Variants in LRRC4C observed in about 807,000 individuals in gnomAD.
LRRC4C encodes the protein leucine rich repeat containing 4C.
Under a neutral mutation model 33.6 loss-of-function variants are expected in LRRC4C, and 5 were observed. The ratio of observed to expected loss-of-function variants is 0.15; its 90% CI spans 0.08 to 0.31. The LOEUF is 0.31. Among genes scored for constraint, LRRC4C ranks in the 10% least tolerant of loss-of-function variants. The probability of loss-of-function intolerance (pLI) is 1.00; values close to 1 mark genes in which losing one functional copy is unlikely to be tolerated. For missense variants in LRRC4C, 560 were observed against 796.7 expected (o/e 0.70, Z 3.58); for synonymous variants, 329 against 302.0 (o/e 1.09, Z -0.93).
At chr11:40,519,093 A>T (rs1278935474) in intron 3 of LRRC4C, among the ~76,000 whole-genome samples, 1 of 151,964 alleles carries the variant, frequency 6.6e-6, no homozygotes, top group Non-Finnish European at 1.5e-5. Context: ...CCTGTTGGGG[A>T]GTGGGGAGCT....
intron 1 of LRRC4C, among the ~76,000 whole-genome samples, chr11:41,194,005 T>C (rs1183399785): frequency 3.3e-5 from 5 of 152,040 alleles, no homozygotes; most frequent in Non-Finnish European, 5.9e-5. Context: ...CTTCTGCCAG[T>C]GCCACCCTTG....
chr11:41,005,406 C>A (rs962619275), intron 1 of LRRC4C, among the ~76,000 whole-genome samples: 1 of 152,082 alleles, frequency 6.6e-6, no homozygotes, highest in Non-Finnish European at 1.5e-5. Context: ...GAGTTTGAGA[C>A]CAGCCTGAGC....
intron 1 of LRRC4C, among the ~76,000 whole-genome samples, chr11:41,397,174 T>C (rs537258313): frequency 6.6e-6 from 1 of 152,096 alleles, no homozygotes; most frequent in South Asian, 2.1e-4. Flanking sequence ...GTTGACCCTC[T>C]AACAACACAG....
intron 2 of LRRC4C, among the ~76,000 whole-genome samples, chr11:40,730,386 A>G (rs1053146430): frequency 2.4e-4 from 36 of 152,222 alleles, no homozygotes; most frequent in Non-Finnish European, 3.7e-4. Context: ...AACGTTATGC[A>G]TGCAAATGGA....
rs953935340 is a variant in LRRC4C at position 41,131,923 on chromosome 11, T to A, written c.-495-198200A>T. 3.9e-5 allele frequency among the ~76,000 whole-genome samples: 6 copies of A among 152,270 alleles called. No individual in the cohort carries two copies. In the East Asian group the frequency reaches 1.2e-3, roughly 29 times the overall value. ...TATGTGGTCTAAAAAGGGGAAGAAC[T>A]CTCAGTTCTGGAAAACTCATGAATA... On this transcript the variant is annotated intron_variant, in intron 1 of 6. Transcript: ENST00000528697.
intron 2 of LRRC4C, among the ~76,000 whole-genome samples, chr11:40,922,764 A>G (rs1355903990): frequency 1.3e-5 from 2 of 152,248 alleles, no homozygotes; most frequent in East Asian, 3.8e-4. Flanking sequence ...GGGCAGTAAT[A>G]TATCAGTGAT....
chr11:41,144,421 G>GA (rs1384074066), intron 1 of LRRC4C, among the ~76,000 whole-genome samples: 1 of 152,122 alleles, frequency 6.6e-6, no homozygotes, highest in African/African-American at 2.4e-5. Context: ...GAAGCTGTAA[G>GA]AAAAAATATT....
intron 1 of LRRC4C, among the ~76,000 whole-genome samples, chr11:40,957,167 T>C (rs923184793): frequency 1.3e-5 from 2 of 151,798 alleles, no homozygotes; most frequent in African/African-American, 4.8e-5. Context: ...TAGCATGTTT[T>C]ATTTTTCTTA....
intron 3 of LRRC4C, among the ~76,000 whole-genome samples, chr11:40,350,476 G>A (rs913039902): frequency 2.0e-5 from 3 of 152,030 alleles, no homozygotes; most frequent in Non-Finnish European, 4.4e-5. Flanking sequence ...CCAGTACAAT[G>A]ATGTTTTGGT....
At chr11:41,035,209 A>C (rs1272355967) in intron 1 of LRRC4C, among the ~76,000 whole-genome samples, 1 of 150,730 alleles carries the variant, frequency 6.6e-6, no homozygotes. Context: ...AAATACATAA[A>C]TAAATAAATA....
At chr11:40,577,926 C>T (rs1271032290) in intron 3 of LRRC4C, among the ~76,000 whole-genome samples, 1 of 147,842 alleles carries the variant, frequency 6.8e-6, no homozygotes, top group Admixed American at 6.8e-5. Context: ...AGCTCCGCCT[C>T]CAAGTTCACG....
At chr11:40,351,048 C>A (rs1947360190) in intron 3 of LRRC4C, among the ~76,000 whole-genome samples, 1 of 151,904 alleles carries the variant, frequency 6.6e-6, no homozygotes, top group Non-Finnish European at 1.5e-5. Context: ...ACTTTTACTT[C>A]TTTCATTCTA....
intron 1 of LRRC4C, among the ~76,000 whole-genome samples, chr11:41,135,352 A>C (rs1321002864): frequency 6.6e-6 from 1 of 152,142 alleles, no homozygotes; most frequent in Non-Finnish European, 1.5e-5. Context: ...GGAGCTAGGG[A>C]AGGAGAGAGA....
chr11:40,492,691 G>A (rs1280658084), intron 3 of LRRC4C, among the ~76,000 whole-genome samples: 2 of 151,960 alleles, frequency 1.3e-5, no homozygotes, highest in African/African-American at 2.4e-5. Flanking sequence ...TAATATTTAG[G>A]TATGTACCTC....
chr11:40,984,395 GAAA>G (rs1852818210), intron 1 of LRRC4C, among the ~76,000 whole-genome samples: 1 of 85,370 alleles, frequency 1.2e-5, no homozygotes, highest in Non-Finnish European at 3.0e-5. Context: ...AAGAAAGAAA[GAAA>G]GAAAGAAAGA....
At chr11:40,601,862 A>G (rs1960029963) in intron 3 of LRRC4C, among the ~76,000 whole-genome samples, 1 of 152,232 alleles carries the variant, frequency 6.6e-6, no homozygotes, top group South Asian at 2.1e-4. Flanking sequence ...TATATAATGT[A>G]CAGCTAACAT....
At chr11:40,355,526 GT>G (rs1947616947) in intron 3 of LRRC4C, among the ~76,000 whole-genome samples, 1 of 152,136 alleles carries the variant, frequency 6.6e-6, no homozygotes, top group Admixed American at 6.6e-5. Flanking sequence ...TCCCTTCTGG[GT>G]AGCACTGATA....
rs145090209 is a variant in LRRC4C, at chr11:41,345,342, G to T, written c.-496+114089C>A. On this transcript the variant is annotated intron_variant, in intron 1 of 6. Transcript: ENST00000528697. ...GAGGTGAAGGTTAATTATCTTTGTC[G>T]ATATGTATTCTGTACTGTATTTTAA... Among the ~76,000 whole-genome samples, 312 of 152,204 alleles carry T rather than the reference G, an allele frequency of 2.0e-3. 1 individual carries two copies. Among genetic ancestry groups the T allele is most frequent in the African/African-American group, 7.1e-3 (293 of 41,528 alleles).
chr11:40,140,855 TAAAAAAAAA>T lies in LRRC4C; in HGVS notation c.-95-11_-95-3del, dbSNP rs5791360. 1 of 131,886 alleles carries T rather than the reference TAAAAAAAAA, an allele frequency of 7.6e-6. No individual in the cohort carries two copies. The highest frequency in any genetic ancestry group is 1.6e-5 in the Non-Finnish European group (1 of 62,028). The allele number at this position is 131,886 out of a possible 1,614,324, so 8.2% of individuals were successfully genotyped here. A position where few individuals can be genotyped will look rare whatever the true frequency, so the allele number is the denominator to read the frequency against. ...TAAGTAGGCAGTGCGTTTGCCAATC[TAAAAAAAAA>T]AAAAAAAGAAAAGAAAAGAAAAAAA... is the stretch of plus-strand genomic sequence containing the variant. On this transcript the variant is annotated splice_region_variant and splice_polypyrimidine_tract_variant and intron_variant, in intron 5 of 6. Transcript: ENST00000528697.
Sources: gnomAD v4.1 joint callset for allele counts (sites outside exome capture counted in the v4.1 genomes callset) on GRCh38, gnomAD v4.1.1 for gene constraint, MANE v1.5 for transcripts, NCBI Gene and HGNC (gene_info 2026-07-23, HGNC 2026-07-21) for gene names.